Variants in SH3TC1 observed in about 807,000 individuals in gnomAD.
SH3TC1 encodes the protein SH3 domain and tetratricopeptide repeat-containing protein 1.
Under a neutral mutation model 117.3 loss-of-function variants are expected in SH3TC1, and 135 were observed. The observed-to-expected ratio is 1.15, with a 90% CI of 1.00 to 1.33. The LOEUF (loss-of-function observed/expected upper bound fraction) is 1.33, where lower values mean the gene tolerates loss of function less well. SH3TC1 is among the 40% of genes most tolerant of loss of function. SH3TC1 has a pLI of 0.00. For synonymous variants in SH3TC1, 898 were observed against 816.9 expected (o/e 1.10, Z -1.69); for missense variants, 2,092 against 1,794.3 (o/e 1.17, Z -3.00).
chr4:8,222,410 G>C (rs1247330283), intron 9 of SH3TC1, among the ~76,000 whole-genome samples: 1 of 107,970 alleles, frequency 9.3e-6, no homozygotes, highest in Non-Finnish European at 1.7e-5. Context: ...GTCTTGCTCT[G>C]TCACCCAGGC....
rs73798658 is a variant in SH3TC1, at chr4:8,203,607, A to G, written c.-28-1560A>G. On this transcript the variant is annotated intron_variant, in intron 1 of 17. Coordinates refer to ENST00000245105, the MANE Select transcript of SH3TC1 (RefSeq NM_018986.5). The stretch of plus-strand genomic sequence containing the variant: ...CAGGCCCAGCTTGCCCTGTTTGGTA[A>G]AAAACTGAGGTGGGGAAGAAATAAG... Among the ~76,000 whole-genome samples, 741 of 152,150 alleles carry G rather than the reference A, an allele frequency of 4.9e-3. 6 individuals are homozygous for G. The highest frequency in any genetic ancestry group is 0.017 in the African/African-American group (700 of 41,500).
At chr4:8,239,565 C>T (rs754011467) in intron 17 of SH3TC1, among the ~76,000 whole-genome samples, 5 of 151,818 alleles carry the variant, frequency 3.3e-5, no homozygotes, top group East Asian at 1.9e-4. Context: ...CACATGCACA[C>T]GCAAATGCAC....
intron 17 of SH3TC1, among the ~76,000 whole-genome samples, chr4:8,239,348 C>G (rs1407871214): frequency 1.3e-5 from 2 of 151,742 alleles, no homozygotes; most frequent in Non-Finnish European, 2.9e-5. Context: ...TGGACACGCA[C>G]ACGCAAATGC....
At chr4:8,200,600 C>T (rs531208114) in intron 1 of SH3TC1, among the ~76,000 whole-genome samples, 23 of 152,340 alleles carry the variant, frequency 1.5e-4, no homozygotes, top group South Asian at 4.1e-4. Context: ...ACACGGGTGA[C>T]GATGGCCGCA....
chr4:8,216,194 A>C lies in SH3TC1; in HGVS notation c.565A>C (p.Ile189Leu). The change falls in exon 6 of 18, where the codon ATC becomes CTC. Residue 189 changes from isoleucine (I) to leucine (L), a missense_variant. Physicochemically the swap from Ile to Leu is conservative, Grantham distance 5. Coordinates refer to ENST00000245105, the MANE Select transcript of SH3TC1 (RefSeq NM_018986.5). ...GCCCAGTGAGGAGGAGGAGACGGCC[A>C]TCCAAGTCCATGTGGATGAGAACGC... ...LLPSEEEETA[I>L]QVHVDENALR... 1.2e-6 allele frequency: 2 copies of C among 1,613,902 alleles called. No homozygotes were observed. Among genetic ancestry groups the C allele is most frequent in the Non-Finnish European group, 1.7e-6 (2 of 1,180,016 alleles).
Position 8,227,882 on chromosome 4 carries a change from G to A in SH3TC1, c.2188G>A (p.Val730Ile). 1 of 1,612,810 alleles carries A rather than the reference G, an allele frequency of 6.2e-7. No individual in the cohort carries two copies. The highest frequency in any genetic ancestry group is 8.5e-7 in the Non-Finnish European group (1 of 1,179,980). Residue 730 changes from valine to isoleucine, a missense_variant, in exon 12 of 18, where the codon GTC (valine) becomes ATC (isoleucine). Physicochemically the swap from Val to Ile is conservative, Grantham distance 29 (BLOSUM62 3). Coordinates refer to ENST00000245105, the MANE Select transcript of SH3TC1 (RefSeq NM_018986.5). ...KCLPHLVLSCVKVASLRTRGS... is the reference protein window; with the variant it reads ...KCLPHLVLSCIKVASLRTRGS... ...CCTGCCCCACCTGGTGCTGAGCTGT[G>A]TCAAGGTGGCCTCATTGCGGACACG...
At position 8,212,772 on chromosome 4, in the gene SH3TC1, C is replaced by T. The variant is rs752988270; in HGVS notation, c.319C>T (p.Arg107Trp). 2.0e-5 allele frequency: 32 copies of T among 1,611,494 alleles called. No individual in the cohort carries two copies. The highest frequency in any genetic ancestry group is 2.7e-5 in the African/African-American group (2 of 74,916). Residue 107 changes from arginine to tryptophan, a missense_variant, in exon 4 of 18, where the codon CGG becomes TGG. Physicochemically the swap from Arg to Trp is moderately radical, Grantham distance 101 (BLOSUM62 -3). Coordinates refer to ENST00000245105, the MANE Select transcript of SH3TC1 (RefSeq NM_018986.5). ...LRDPGLQQTL[R>W]GQLRLLENDS... ...GGACCCCGGCCTACAGCAGACCCTC[C>T]GGGGCCAGCTCCGCCTGCTGGAGAA...
At chr4:8,203,166 C>T (rs929701814) in intron 1 of SH3TC1, among the ~76,000 whole-genome samples, 20 of 152,126 alleles carry the variant, frequency 1.3e-4, no homozygotes, top group Admixed American at 5.2e-4. Context: ...AGTGGTGGCC[C>T]GAGCCGAGAG....
chr4:8,232,844 G>C (rs1721369209), intron 13 of SH3TC1: 1 of 1,267,760 alleles, frequency 7.9e-7, no homozygotes, highest in South Asian at 1.3e-5. Context: ...CAGTGTGTTA[G>C]AGCCATGTTC....
At chr4:8,231,489 G>C (rs1448131188) in intron 12 of SH3TC1, 2 of 159,548 alleles carry the variant, frequency 1.3e-5, no homozygotes, top group African/African-American at 4.8e-5. Context: ...GGCTTTGGGA[G>C]AGGCCCGTGA....
At chr4:8,238,544 G>A (rs1722027821) in intron 17 of SH3TC1, among the ~76,000 whole-genome samples, 1 of 152,170 alleles carries the variant, frequency 6.6e-6, no homozygotes, top group South Asian at 2.1e-4. Flanking sequence ...ACAACATGAG[G>A]AGCTGCGGCA....
intron 9 of SH3TC1, among the ~76,000 whole-genome samples, chr4:8,220,064 A>G (rs1305162466): frequency 6.6e-6 from 1 of 152,130 alleles, no homozygotes; most frequent in Non-Finnish European, 1.5e-5. Context: ...CCCATCTCCT[A>G]GCACCCATCC....
In SH3TC1 at chr4:8,186,190, G is replaced by A. The variant is rs185237504; in HGVS notation, c.-57+3980G>A. 9.2e-5 allele frequency among the ~76,000 whole-genome samples: 14 copies of A among 152,332 alleles called. No individual in the cohort carries two copies. The highest frequency in any genetic ancestry group is 3.4e-4 in the African/African-American group (14 of 41,570). ...CTGGCGGAGGGGCTGGGGCCAGCCT[G>A]ACTCCGAACCAAGACCAGCAGCAAA... On this transcript the variant is annotated intron_variant, in intron 1 of 16. Transcript: ENST00000508641. The surrounding 1 kb of genome is among the most constrained non-coding windows in gnomAD (Gnocchi z 5.2).
At chr4:8,196,208 A>C (rs114723417), upstream of SH3TC1, among the ~76,000 whole-genome samples, 396 of 152,350 alleles carry the variant, frequency 2.6e-3, 1 homozygote, top group African/African-American at 9.2e-3. This position sits in a 1 kb window ranked among gnomAD's most constrained non-coding sequence, Gnocchi z 4.6. Flanking sequence ...GCCTGGCCAC[A>C]GATCTCACGT....
chr4:8,233,067 T>C (rs373377416), intron 13 of SH3TC1: 1 of 1,261,184 alleles, frequency 7.9e-7, no homozygotes. Context: ...TGGCTCCTGG[T>C]GCGTCTAGAG....
At chr4:8,219,263 C>T in intron 8 of SH3TC1, 72 bp from the exon 9 acceptor site, 1 of 1,429,882 alleles carries the variant, frequency 7.0e-7, no homozygotes, top group Non-Finnish European at 9.4e-7. Context: ...GGGTGGCTGG[C>T]ATCGGCCCTG....
At chr4:8,193,975 C>T (rs949359959) in intron 1 of SH3TC1, among the ~76,000 whole-genome samples, 2 of 152,218 alleles carry the variant, frequency 1.3e-5, no homozygotes, top group East Asian at 3.8e-4. Context: ...TCATTTGCTG[C>T]AGGAGGCTGA....
At chr4:8,240,630 AC>A in intron 17 of SH3TC1, 67 bp from the exon 18 acceptor site, 1 of 1,593,458 alleles carries the variant, frequency 6.3e-7, no homozygotes. Flanking sequence ...TGACCTGGGC[AC>A]AGGAACGGCC....
chr4:8,238,069 G>A (rs114040717), intron 17 of SH3TC1, among the ~76,000 whole-genome samples: 11 of 152,310 alleles, frequency 7.2e-5, no homozygotes, highest in African/African-American at 2.6e-4. Context: ...TCCTCACATT[G>A]AATCCATGTT....
Sources: allele counts gnomAD v4.1 joint callset (sites outside exome capture counted in the v4.1 genomes callset), GRCh38; gene constraint gnomAD v4.1.1; non-coding constraint Gnocchi (gnomAD v3.1); transcripts MANE v1.5; gene names NCBI Gene and HGNC (gene_info 2026-07-23, HGNC 2026-07-21).